The following PDE4D variants were observed in gnomAD, a reference collection of about 807,000 sequenced individuals.
PDE4D encodes 3',5'-cyclic-AMP phosphodiesterase 4D.
In PDE4D, 24 loss-of-function variants were observed where a neutral mutation model predicts 87.4. That is an observed-to-expected ratio of 0.27 (90% confidence interval 0.20 to 0.39). PDE4D has a LOEUF of 0.39. Among genes scored for constraint, PDE4D ranks in the 10% least tolerant of loss-of-function variants. PDE4D has a pLI of 1.00. For missense variants in PDE4D, 714 were observed against 1,041.0 expected, an observed-to-expected ratio of 0.69 and a Z score of 4.32; for synonymous variants, 384 against 383.2, an observed-to-expected ratio of 1.00 and a Z score of -0.02.
intron 1 of PDE4D, among the ~76,000 whole-genome samples, chr5:60,327,655 A>G (rs1278976573): frequency 6.6e-6 from 1 of 152,210 alleles, no homozygotes; most frequent in Non-Finnish European, 1.5e-5. Flanking sequence ...AAACAAATCT[A>G]CAAAAATGTT....
rs931085039 is a variant in PDE4D at position 59,572,357 on chromosome 5, T to C, written c.455+320811A>G. 2.0e-5 allele frequency among the ~76,000 whole-genome samples: 3 copies of C among 151,046 alleles called. No homozygotes were observed. The East Asian group carries it at 5.8e-4, about 29-fold the overall frequency. ...ACATACCATTTTTTAATAAGAAACA[T>C]ATTTTTTATTTGGATTATCCTTTTC... is the stretch of plus-strand genomic sequence containing the variant. On this transcript the variant is annotated intron_variant, in intron 1 of 14. Transcript: ENST00000340635.
chr5:59,235,335 G>A (rs1756168347), intron 1 of PDE4D, among the ~76,000 whole-genome samples: 1 of 152,102 alleles, frequency 6.6e-6, no homozygotes, highest in South Asian at 2.1e-4. Context: ...TGCTTCTTAT[G>A]CCCTCACAAG....
chr5:59,563,350 C>T (rs1219375939), intron 1 of PDE4D, among the ~76,000 whole-genome samples: 1 of 152,164 alleles, frequency 6.6e-6, no homozygotes, highest in Non-Finnish European at 1.5e-5. Context: ...AAGAGAGAAG[C>T]AAATAAAAGC....
intron 5 of PDE4D, among the ~76,000 whole-genome samples, chr5:59,040,337 C>T (rs1472096936): frequency 6.6e-6 from 1 of 152,070 alleles, no homozygotes; most frequent in Non-Finnish European, 1.5e-5. Flanking sequence ...TTTCATATGC[C>T]GAATTGCCTA....
intron 5 of PDE4D, among the ~76,000 whole-genome samples, chr5:59,066,361 G>C (rs762221837): frequency 6.6e-6 from 1 of 152,136 alleles, no homozygotes; most frequent in Non-Finnish European, 1.5e-5. Flanking sequence ...GGCACAAGAA[G>C]AGCAAGGGTG....
intron 1 of PDE4D, among the ~76,000 whole-genome samples, chr5:59,622,497 G>A (rs553325770): frequency 6.6e-6 from 1 of 152,080 alleles, no homozygotes; most frequent in African/African-American, 2.4e-5. Context: ...CTATGATCTT[G>A]ACTACCTTAA....
At chr5:60,134,887 T>C (rs1261439036) in intron 2 of PDE4D, among the ~76,000 whole-genome samples, 1 of 152,206 alleles carries the variant, frequency 6.6e-6, no homozygotes, top group Non-Finnish European at 1.5e-5. Flanking sequence ...AAGGCATTCA[T>C]AGGTGTACCC....
intron 1 of PDE4D, among the ~76,000 whole-genome samples, chr5:60,360,124 G>A (rs1428488603): frequency 1.3e-5 from 2 of 152,198 alleles, no homozygotes; most frequent in Admixed American, 6.5e-5. Flanking sequence ...TAGGGCACAA[G>A]GTCTCCTCTA....
chr5:58,989,087 G>T (rs1180474431), intron 10 of PDE4D, among the ~76,000 whole-genome samples: 1 of 152,102 alleles, frequency 6.6e-6, no homozygotes, highest in Admixed American at 6.5e-5. Context: ...CTACCAACAA[G>T]ATGCCAGTAT....
chr5:60,167,876 T>C (rs1278755601), intron 2 of PDE4D, among the ~76,000 whole-genome samples: 1 of 152,180 alleles, frequency 6.6e-6, no homozygotes, highest in East Asian at 1.9e-4. Flanking sequence ...GTTTCCCTGA[T>C]TATATCTGAT....
intron 5 of PDE4D, among the ~76,000 whole-genome samples, chr5:59,176,835 C>G (rs1163911117): frequency 2.6e-5 from 4 of 152,304 alleles, no homozygotes; most frequent in African/African-American, 9.6e-5. Flanking sequence ...TGTATCATCT[C>G]TATCACAAAG....
intron 1 of PDE4D, chr5:59,216,867 A>G (rs763423368): frequency 1.1e-3 from 195 of 178,544 alleles, no homozygotes; most frequent in Non-Finnish European, 1.1e-3. Context: ...CCCTTTCTCT[A>G]CGCTCCCAAG....
At chr5:60,474,240 C>A (rs1356713154) in intron 1 of PDE4D, among the ~76,000 whole-genome samples, 2 of 149,446 alleles carry the variant, frequency 1.3e-5, no homozygotes. Flanking sequence ...AAGGCACCAG[C>A]AGATTAAATG....
chr5:59,729,400 T>C (rs1163092452), intron 1 of PDE4D, among the ~76,000 whole-genome samples: 1 of 152,116 alleles, frequency 6.6e-6, no homozygotes, highest in Non-Finnish European at 1.5e-5. Flanking sequence ...CACGATTCAT[T>C]ATTCTGACAT....
At chr5:60,356,644 C>A (rs1399857188) in intron 1 of PDE4D, among the ~76,000 whole-genome samples, 1 of 151,946 alleles carries the variant, frequency 6.6e-6, no homozygotes, top group Non-Finnish European at 1.5e-5. Flanking sequence ...CCTTCTTTTC[C>A]CCCCACTTTA....
At chr5:59,186,039 T>C (rs770644528) in intron 3 of PDE4D, among the ~76,000 whole-genome samples, 15 of 152,150 alleles carry the variant, frequency 9.9e-5, no homozygotes, top group Non-Finnish European at 1.9e-4. Flanking sequence ...TAGGAGAAGG[T>C]TCCTAGAGCC....
chr5:59,398,394 G>T (rs1047943574), intron 1 of PDE4D, among the ~76,000 whole-genome samples: 1 of 143,170 alleles, frequency 7.0e-6, no homozygotes. Flanking sequence ...GATCAAGTGG[G>T]CTTCATCCCT....
intron 1 of PDE4D, among the ~76,000 whole-genome samples, chr5:60,517,150 G>A (rs563159907): frequency 9.2e-5 from 14 of 152,344 alleles, no homozygotes; most frequent in East Asian, 3.9e-4. Flanking sequence ...GTGTATGCCC[G>A]TGCTCAGAGT....
chr5:59,228,008 C>T (rs1363078427), intron 1 of PDE4D, among the ~76,000 whole-genome samples: 1 of 152,090 alleles, frequency 6.6e-6, no homozygotes, highest in Non-Finnish European at 1.5e-5. Context: ...AACTAAATGT[C>T]CATGAATGAT....
Sources: allele counts gnomAD v4.1 joint callset (sites outside exome capture counted in the v4.1 genomes callset), GRCh38; gene constraint gnomAD v4.1.1; transcripts MANE v1.5; gene names NCBI Gene and HGNC (gene_info 2026-07-23, HGNC 2026-07-21).